Variants in RNPEPL1 observed in about 807,000 individuals in gnomAD.
The protein encoded by RNPEPL1 is aminopeptidase RNPEPL1.
A neutral mutation model predicts 69.0 loss-of-function variants in RNPEPL1; 46 were observed. The ratio of observed to expected loss-of-function variants is 0.67; its 90% CI spans 0.53 to 0.85. RNPEPL1 has a LOEUF of 0.85. Among genes scored for constraint, RNPEPL1 ranks in the 40% least tolerant of loss-of-function variants. The probability of loss-of-function intolerance (pLI) is 0.00; values close to 1 mark genes in which losing one functional copy is unlikely to be tolerated. For synonymous variants in RNPEPL1, 525 were observed against 454.1 expected (o/e 1.16, Z -1.98); for missense variants, 869 against 992.5 (o/e 0.88, Z 1.67).
chr2:240,573,322 G>A, intron 3 of RNPEPL1, 61 bp downstream of exon 3: 1 of 1,501,646 alleles, frequency 6.7e-7, no homozygotes, highest in East Asian at 2.5e-5. Flanking sequence ...CCCCACCGGG[G>A]GTCTGTGGCC....
At chr2:240,572,171 C>T (rs1052744335) in intron 1 of RNPEPL1, among the ~76,000 whole-genome samples, 2 of 152,264 alleles carry the variant, frequency 1.3e-5, no homozygotes, top group Non-Finnish European at 2.9e-5. Flanking sequence ...GACACAGGGC[C>T]TCCTGCCTGG....
At chr2:240,572,902 G>A (rs1396079421) in intron 2 of RNPEPL1, among the ~76,000 whole-genome samples, 2 of 152,234 alleles carry the variant, frequency 1.3e-5, no homozygotes, top group East Asian at 3.9e-4. Flanking sequence ...AGCACCCTCT[G>A]TGCTGGGACG....
In RNPEPL1 at chr2:240,577,968, CGT is replaced by C; in HGVS notation, c.*77_*78del. ...CTGTGGGCCAGGCCTGCCATGACTG[CGT>C]CTCGGCTCTGGCCATGAGCTCTGCC... On this transcript the variant is annotated 3_prime_UTR_variant, in exon 11 of 11. Coordinates refer to ENST00000270357, the MANE Select transcript of RNPEPL1 (RefSeq NM_018226.6). 1 of 1,356,290 alleles carries C rather than the reference CGT, an allele frequency of 7.4e-7. No homozygotes were observed. Among genetic ancestry groups the C allele is most frequent in the Middle Eastern group, 2.7e-4 (1 of 3,666 alleles). 84.0% of individuals were successfully genotyped at this position (1,356,290 alleles called of 1,614,324 possible).
intron 8 of RNPEPL1, chr2:240,576,277 G>C (rs554074559): frequency 5.3e-6 from 3 of 564,494 alleles, no homozygotes; most frequent in Non-Finnish European, 6.3e-6. Context: ...CTTCCACCCA[G>C]GAGAGGCGTG....
Position 240,569,084 on chromosome 2 carries a change from C to A in RNPEPL1, c.498C>A (p.Ile166=). 1 of 1,507,642 alleles carries A rather than the reference C, an allele frequency of 6.6e-7. No individual in the cohort carries two copies. The highest frequency in any genetic ancestry group is 2.7e-5 in the East Asian group (1 of 36,870). The allele number at this position is 1,507,642 out of a possible 1,614,324, so 93.4% of individuals were successfully genotyped here. ...ELQAHQPFQV[I]LRYTSTDAPA... is the part of the protein sequence containing the mutation. The stretch of plus-strand genomic sequence containing the variant: ...AGGCGCACCAGCCCTTCCAGGTCAT[C>A]CTGCGGTACACCTCGACCGACGCCC... Residue 166 remains isoleucine, a synonymous_variant, in exon 1 of 11, where the codon ATC becomes ATA. Transcript: ENST00000270357.
chr2:240,574,929 C>T, intron 6 of RNPEPL1, 101 bp from the exon 7 acceptor site: 1 of 897,012 alleles, frequency 1.1e-6, no homozygotes, highest in East Asian at 2.4e-5. Context: ...GACAGTGGCG[C>T]TTGGCCCTTG....
At position 240,573,154 on chromosome 2, in the gene RNPEPL1, A is replaced by C. The variant is rs756571696; in HGVS notation, c.714A>C (p.Ala238=). The part of the protein sequence containing the change: ...VQVLMSATRS[A]YMEEEGVFHF... The stretch of plus-strand genomic sequence containing the variant: ...TGCTGATGAGTGCCACCCGGAGTGC[A>C]TACATGGAGGAAGAAGGCGTCTTCC... The change falls in exon 3 of 11, where the codon GCA becomes GCC. Residue 238 remains alanine (A), a synonymous_variant. Transcript: ENST00000270357. 6.2e-7 allele frequency: 1 copy of C among 1,610,122 alleles called. No individual in the cohort carries two copies. Among genetic ancestry groups the C allele is most frequent in the East Asian group, 2.2e-5 (1 of 44,782 alleles).
intron 10 of RNPEPL1, 23 bp from the exon 11 acceptor site, chr2:240,577,576 G>A: frequency 1.3e-6 from 2 of 1,538,906 alleles, no homozygotes. Flanking sequence ...GCCCACCAGT[G>A]TGACCGAGTG....
intron 1 of RNPEPL1, among the ~76,000 whole-genome samples, chr2:240,570,638 CT>C (rs1196488403): frequency 2.0e-5 from 3 of 152,222 alleles, no homozygotes; most frequent in Admixed American, 2.0e-4. Context: ...CCCCCAGAGG[CT>C]TTTTGGAGGT....
At position 240,576,292 on chromosome 2, in the gene RNPEPL1, G is replaced by C. The variant is rs74497642; in HGVS notation, c.1511-243G>C. Reference sequence around the variant, plus strand: ...CTTCCACCCAGGAGAGGCGTGGAGTGGGTGCGAGTCCCTTGGTCACCAACC... The same window carrying C: ...CTTCCACCCAGGAGAGGCGTGGAGTCGGTGCGAGTCCCTTGGTCACCAACC... On this transcript the variant is annotated intron_variant, in intron 8 of 10. Coordinates refer to ENST00000270357, the MANE Select transcript of RNPEPL1 (RefSeq NM_018226.6). 3,203 of 578,498 alleles carry C rather than the reference G, an allele frequency of 5.5e-3. 66 individuals are homozygous for C. Among genetic ancestry groups the C allele is most frequent in the African/African-American group, 0.05 (2,658 of 53,662 alleles). 35.8% of individuals were successfully genotyped at this position (578,498 alleles called of 1,614,324 possible). A position where few individuals can be genotyped will look rare whatever the true frequency, so the allele number is the denominator to read the frequency against.
intron 2 of RNPEPL1, 137 bp downstream of exon 2, chr2:240,572,700 C>A (rs1027858772): frequency 1.1e-4 from 125 of 1,148,416 alleles, no homozygotes; most frequent in Non-Finnish European, 1.7e-5. Flanking sequence ...GGAGCCCACC[C>A]TCCCTACTCT....
Position 240,577,795 on chromosome 2 carries a change from C to T in RNPEPL1, c.2081C>T (p.Ala694Val). The T allele has an allele frequency of 6.2e-7, 1 of 1,610,808 alleles. No homozygotes were observed. ...ASEPSTELGK[A>V]EADTDSDAQA... ...GAGCCCAGCACGGAGCTGGGCAAGG[C>T]TGAAGCAGACACAGACTCGGACGCA... is the stretch of plus-strand genomic sequence containing the variant. Residue 694 changes from alanine to valine, a missense_variant, in exon 11 of 11, where the codon GCT (alanine) becomes GTT (valine). Around this residue, in one of 2 missense-constraint regions of RNPEPL1, gnomAD observed 610 missense variants for 790.9 expected, o/e 0.77. Transcript: ENST00000270357.
chr2:240,575,224 G>C (rs995981439), intron 7 of RNPEPL1, 82 bp downstream of exon 7: 1 of 1,134,966 alleles, frequency 8.8e-7, no homozygotes, highest in Non-Finnish European at 1.3e-6. Context: ...CTGCTCTTGC[G>C]GCAGTTGGGG....
At chr2:240,573,299 G>T (rs1289843687) in intron 3 of RNPEPL1, 38 bp downstream of exon 3, 2 of 1,529,850 alleles carry the variant, frequency 1.3e-6, no homozygotes, top group Middle Eastern at 2.0e-4. Context: ...GGCTGCGCAG[G>T]CCTCGGGGAG....
At chr2:240,577,557 G>T in intron 10 of RNPEPL1, 42 bp from the exon 11 acceptor site, 1 of 1,522,184 alleles carries the variant, frequency 6.6e-7, no homozygotes, top group Non-Finnish European at 8.9e-7. Flanking sequence ...GGCTCGAGGG[G>T]CCTGGGGAGC....
intron 3 of RNPEPL1, 32 bp from the exon 4 acceptor site, chr2:240,573,743 C>T (rs1400654078): frequency 3.4e-5 from 50 of 1,488,972 alleles, no homozygotes; most frequent in Admixed American, 6.3e-5. Flanking sequence ...TGGGGCTGCT[C>T]GGCCTCAGCT....
intron 7 of RNPEPL1, 104 bp from the exon 8 acceptor site, chr2:240,575,398 A>G: frequency 9.9e-7 from 1 of 1,007,360 alleles, no homozygotes; most frequent in South Asian, 1.4e-5. Flanking sequence ...CCCTGTGCCC[A>G]GCACGTACCT....
rs771153699 is a variant in RNPEPL1, at chr2:240,568,776, G to C, written c.190G>C (p.Glu64Gln). 5 of 1,075,190 alleles carry C rather than the reference G, an allele frequency of 4.7e-6. No homozygotes were observed. Among genetic ancestry groups the C allele is most frequent in the Non-Finnish European group, 5.6e-6 (5 of 887,176 alleles). The allele number at this position is 1,075,190 out of a possible 1,614,324, so 66.6% of individuals were successfully genotyped here. Reference protein sequence around the residue: ...ARELAGCLVLELCALRPAPRA... With the variant: ...ARELAGCLVLQLCALRPAPRA... ...CGAGTTGGCCGGCTGCCTGGTGCTCGAGCTGTGCGCGCTGCGGCCCGCGCC... is the reference window on the plus strand; with the variant it reads ...CGAGTTGGCCGGCTGCCTGGTGCTCCAGCTGTGCGCGCTGCGGCCCGCGCC... Residue 64 changes from glutamate (E) to glutamine (Q), a missense_variant, in exon 1 of 11, where the codon GAG becomes CAG. Transcript: ENST00000270357. The surrounding 1 kb of genome is among the most constrained non-coding windows in gnomAD (Gnocchi z 6.2).
rs2093051438 is a variant in RNPEPL1, at chr2:240,581,305, A to C, written c.*3413A>C. 1 of 152,268 alleles carries C rather than the reference A, an allele frequency of 6.6e-6. No homozygotes were observed. Among genetic ancestry groups the C allele is most frequent in the Non-Finnish European group, 1.5e-5 (1 of 68,050 alleles). The allele number at this position is 152,268 out of a possible 1,614,324, so 9.4% of individuals were successfully genotyped here. A position where few individuals can be genotyped will look rare whatever the true frequency, so the allele number is the denominator to read the frequency against. The stretch of plus-strand genomic sequence containing the variant: ...TGAAACAAGAACAGGTAGTTTATAA[A>C]AAAGAACCAGTCAGAGACCCTGGAA... On this transcript the variant is annotated 3_prime_UTR_variant, in exon 11 of 11. Transcript: ENST00000270357.
Sources: allele counts gnomAD v4.1 joint callset (sites outside exome capture counted in the v4.1 genomes callset), GRCh38; gene constraint gnomAD v4.1.1; regional missense constraint gnomAD v4.1.1; non-coding constraint Gnocchi (gnomAD v3.1); transcripts MANE v1.5; gene names NCBI Gene and HGNC (gene_info 2026-07-23, HGNC 2026-07-21).